The following CNFN variants were observed in gnomAD, a reference collection of about 807,000 sequenced individuals.
The protein encoded by CNFN is cornefied envelope protein cornefilin.
A neutral mutation model predicts 14.9 loss-of-function variants in CNFN; 10 were observed. The ratio of observed to expected loss-of-function variants is 0.67; its 90% CI spans 0.41 to 1.14. The LOEUF (loss-of-function observed/expected upper bound fraction) is 1.14, where lower values mean the gene tolerates loss of function less well. CNFN is among the 50% of genes most tolerant of loss of function. CNFN has a pLI of 0.00. For synonymous variants in CNFN, 66 were observed against 60.0 expected (o/e 1.10, Z -0.46); for missense variants, 165 against 152.8 (o/e 1.08, Z -0.42).
intron 2 of CNFN, among the ~76,000 whole-genome samples, chr19:42,388,017 GAAAGAAAAAA>G (rs1157734167): frequency 1.4e-5 from 2 of 140,390 alleles, no homozygotes; most frequent in Non-Finnish European, 3.1e-5. Flanking sequence ...AAAAACGAAA[GAAAGAAAAAA>G]AAAGAAAAAG....
chr19:42,388,980 GGGTCT>G lies in CNFN; in HGVS notation c.53_57del (p.Gln18ProfsTer4). The G allele has an allele frequency of 6.2e-7, 1 of 1,613,972 alleles. No individual in the cohort carries two copies. The highest frequency in any genetic ancestry group is 8.5e-7 in the Non-Finnish European group (1 of 1,180,006). ...AGACCTGTGTGCCAGTCACTGAGCT[GGGTCT>G]GGTAGCAGCTGGTGGTGGCGCACTG... is the stretch of plus-strand genomic sequence containing the variant. On this transcript the variant is annotated frameshift_variant, in exon 2 of 4. Transcript: ENST00000222032. LOFTEE classifies it high-confidence loss of function.
chr19:42,387,819 A>C (rs1443596109), intron 2 of CNFN, among the ~76,000 whole-genome samples: 2 of 151,012 alleles, frequency 1.3e-5, no homozygotes, highest in African/African-American at 4.9e-5. Context: ...GTCTCTACTA[A>C]AAATACAAAA....
chr19:42,387,830 A>G (rs2147531354), intron 2 of CNFN, among the ~76,000 whole-genome samples: 1 of 151,400 alleles, frequency 6.6e-6, no homozygotes, highest in African/African-American at 2.4e-5. Context: ...AAATACAAAA[A>G]TTAGCCGGGC....
Position 42,388,932 on chromosome 19 carries a change from G to A in CNFN, c.106C>T (p.Pro36Ser). The change falls in exon 2 of 4, where the codon CCT (proline) becomes TCT (serine). Residue 36 changes from proline (P) to serine (S), a missense_variant. Pro to Ser is a moderately conservative substitution (Grantham distance 74, BLOSUM62 -1). Coordinates refer to ENST00000222032, the MANE Select transcript of CNFN (RefSeq NM_032488.4). The part of the protein sequence containing the change: ...TGLTDCCNDM[P>S]VCLCGTFAPL... ...GGAGCAGGCAGGCACTCACAGACAGGCATGTCGTTGCAGCAGTCCGTGAGA... is the reference window on the plus strand; with the variant it reads ...GGAGCAGGCAGGCACTCACAGACAGACATGTCGTTGCAGCAGTCCGTGAGA... 6.2e-7 allele frequency: 1 copy of A among 1,611,140 alleles called. No individual in the cohort carries two copies. The highest frequency in any genetic ancestry group is 8.5e-7 in the Non-Finnish European group (1 of 1,177,992).
At chr19:42,390,199 C>G (rs572837466) in intron 1 of CNFN, 41 bp downstream of exon 1, 1 of 153,334 alleles carries the variant, frequency 6.5e-6, no homozygotes, top group South Asian at 2.1e-4. Flanking sequence ...AGCAGAGGCG[C>G]CCAACCTCAA....
chr19:42,387,569 G>A, intron 2 of CNFN, 93 bp from the exon 3 acceptor site: 1 of 893,406 alleles, frequency 1.1e-6, no homozygotes, highest in Non-Finnish European at 1.7e-6. Flanking sequence ...CCGCGGAGGG[G>A]CATTGAGGGT....
At chr19:42,387,647 C>T (rs1375702380) in intron 2 of CNFN, among the ~76,000 whole-genome samples, 171 bp from the exon 3 acceptor site, 1 of 148,296 alleles carries the variant, frequency 6.7e-6, no homozygotes, top group East Asian at 2.0e-4. Flanking sequence ...GATTGGAAGG[C>T]AGGGTTTTTC....
At chr19:42,389,875 C>A (rs1294585659) in intron 1 of CNFN, among the ~76,000 whole-genome samples, 2 of 152,212 alleles carry the variant, frequency 1.3e-5, no homozygotes, top group East Asian at 3.8e-4. Flanking sequence ...AGATCAGAGC[C>A]AGGTGCCCGT....
intron 3 of CNFN, 49 bp from the exon 4 acceptor site, chr19:42,387,291 G>A (rs777870538): frequency 1.2e-6 from 2 of 1,606,026 alleles, no homozygotes; most frequent in Non-Finnish European, 1.7e-6. Context: ...GGTCCCAGGA[G>A]GCCAGTCCCC....
intron 1 of CNFN, chr19:42,389,656 T>A: frequency 5.5e-6 from 1 of 182,630 alleles, no homozygotes; most frequent in Non-Finnish European, 1.1e-5. Flanking sequence ...GGCTGGGCTC[T>A]CAGGGGGAGG....
intron 2 of CNFN, among the ~76,000 whole-genome samples, chr19:42,387,823 T>C (rs951535978): frequency 3.3e-5 from 5 of 150,136 alleles, no homozygotes; most frequent in Non-Finnish European, 7.4e-5. Context: ...CTACTAAAAA[T>C]ACAAAAATTA....
Position 42,387,164 on chromosome 19 carries a change from T to C in CNFN, c.328A>G (p.Ile110Val). ...ALCQMARELKIRE is the reference protein window; with the variant it reads ...ALCQMARELKVRE The stretch of plus-strand genomic sequence containing the variant: ...GACAGGGAACTTCCTTACTCTCGGA[T>C]CTTCAGTTCCCGCGCCATCTGGCAG... Residue 110 changes from isoleucine to valine, a missense_variant, in exon 4 of 4, where the codon ATC (isoleucine) becomes GTC (valine). Coordinates refer to ENST00000222032, the MANE Select transcript of CNFN (RefSeq NM_032488.4). 1 of 1,614,186 alleles carries C rather than the reference T, an allele frequency of 6.2e-7. No individual in the cohort carries two copies. The highest frequency in any genetic ancestry group is 1.1e-5 in the South Asian group (1 of 91,082).
chr19:42,389,740 G>A (rs954172099), intron 1 of CNFN, among the ~76,000 whole-genome samples: 4 of 152,144 alleles, frequency 2.6e-5, no homozygotes, highest in Admixed American at 2.6e-4. Flanking sequence ...ATAGGGCGGG[G>A]GCGAGAAACT....
chr19:42,389,149 C>G (rs912049973), intron 1 of CNFN, 110 bp from the exon 2 acceptor site: 1 of 784,442 alleles, frequency 1.3e-6, no homozygotes, highest in African/African-American at 1.7e-5. Context: ...GCCGCCAGGC[C>G]GCCCACTGAA....
chr19:42,389,074 C>T (rs753834183), intron 1 of CNFN, 35 bp from the exon 2 acceptor site: 1 of 1,498,058 alleles, frequency 6.7e-7, no homozygotes, highest in East Asian at 2.3e-5. Context: ...CAGCTGGCAG[C>T]CTCGCAGCAT....
intron 1 of CNFN, chr19:42,389,524 A>G (rs1230568082): frequency 7.8e-7 from 1 of 1,290,084 alleles, no homozygotes; most frequent in Non-Finnish European, 1.0e-6. Flanking sequence ...CTCAAACTGC[A>G]TCTTGCTGGC....
In CNFN at chr19:42,387,021, G is replaced by A; in HGVS notation, c.*132C>T. The A allele has an allele frequency of 1.2e-6, 1 of 828,408 alleles. No individual in the cohort carries two copies. The highest frequency in any genetic ancestry group is 1.6e-5 in the South Asian group (1 of 63,932). The allele number at this position is 828,408 out of a possible 1,614,324, so 51.3% of individuals were successfully genotyped here. On this transcript the variant is annotated 3_prime_UTR_variant, in exon 4 of 4. Coordinates refer to ENST00000222032, the MANE Select transcript of CNFN (RefSeq NM_032488.4). ...GGACAAAATGGATGTAGGCGGAGTT[G>A]GTTTTCAGGTTTTTATTGTGGGTGT...
intron 2 of CNFN, among the ~76,000 whole-genome samples, chr19:42,388,355 GT>G (rs60385070): frequency 0.14 from 21,041 of 146,428 alleles, 2,262 homozygotes; most frequent in African/African-American, 0.3. Flanking sequence ...ACCACGCCCG[GT>G]TTTTTTTTTT....
At chr19:42,388,461 G>C (rs2039872761) in intron 2 of CNFN, among the ~76,000 whole-genome samples, 1 of 152,054 alleles carries the variant, frequency 6.6e-6, no homozygotes, top group Non-Finnish European at 1.5e-5. Context: ...CCAAAGTCCT[G>C]GGATTACAGG....
Sources: gnomAD v4.1 joint callset for allele counts (sites outside exome capture counted in the v4.1 genomes callset) on GRCh38, gnomAD v4.1.1 for gene constraint, MANE v1.5 for transcripts, NCBI Gene and HGNC (gene_info 2026-07-23, HGNC 2026-07-21) for gene names.